Variants in CACNA1C observed in about 807,000 individuals in gnomAD.
The protein encoded by CACNA1C is voltage-dependent L-type calcium channel subunit alpha-1C.
CACNA1C carries 30 observed loss-of-function variants against 229.0 expected under a neutral mutation model. The observed-to-expected ratio is 0.13, with a 90% CI of 0.10 to 0.18. The LOEUF is 0.18. CACNA1C is among the 10% of genes least tolerant of loss of function. The probability of loss-of-function intolerance (pLI) is 1.00; values close to 1 mark genes in which losing one functional copy is unlikely to be tolerated. For synonymous variants in CACNA1C, 1,114 were observed against 1,132.5 expected, an observed-to-expected ratio of 0.98 and a Z score of 0.33; for missense variants, 1,658 against 2,845.0, an observed-to-expected ratio of 0.58 and a Z score of 9.49.
At chr12:2,207,633 C>T (rs2097788402) in intron 3 of CACNA1C, among the ~76,000 whole-genome samples, 1 of 151,976 alleles carries the variant, frequency 6.6e-6, no homozygotes, top group Non-Finnish European at 1.5e-5. Context: ...AACATAGCAA[C>T]ACCTCGTCTC....
intron 1 of CACNA1C, among the ~76,000 whole-genome samples, chr12:2,092,309 T>C (rs957537469): frequency 5.3e-5 from 8 of 152,226 alleles, no homozygotes. Context: ...ACTTGTACAG[T>C]GATTTCCTAT....
intron 3 of CACNA1C, among the ~76,000 whole-genome samples, chr12:2,254,767 T>G (rs2076782072): frequency 6.6e-6 from 1 of 152,132 alleles, no homozygotes; most frequent in South Asian, 2.1e-4. Context: ...GGACGATATA[T>G]GTTGAGAAAG....
intron 3 of CACNA1C, among the ~76,000 whole-genome samples, chr12:2,256,266 G>T (rs1365592421): frequency 5.9e-5 from 9 of 152,096 alleles, no homozygotes; most frequent in Non-Finnish European, 1.2e-4. Context: ...ATTAAATTTT[G>T]AGAACTGGTT....
intron 4 of CACNA1C, among the ~76,000 whole-genome samples, chr12:2,455,045 C>T (rs1025749628): frequency 6.6e-6 from 1 of 152,076 alleles, no homozygotes; most frequent in East Asian, 1.9e-4. Flanking sequence ...CGGGTGGCAC[C>T]CTTTCTGTGC....
intron 1 of CACNA1C, among the ~76,000 whole-genome samples, chr12:2,030,360 T>C (rs1403493796): frequency 6.6e-6 from 1 of 151,734 alleles, no homozygotes; most frequent in Non-Finnish European, 1.5e-5. Flanking sequence ...TAAAGGAACA[T>C]TGTCAAGATA....
chr12:1,987,668 TTGAC>T (rs1382668226), intron 1 of CACNA1C, among the ~76,000 whole-genome samples: 4 of 152,190 alleles, frequency 2.6e-5, no homozygotes, highest in South Asian at 2.1e-4. Context: ...TTTTCAAAAA[TTGAC>T]TGAAGAGGAT....
At chr12:2,195,814 A>G (rs1371240248) in intron 3 of CACNA1C, among the ~76,000 whole-genome samples, 1 of 152,230 alleles carries the variant, frequency 6.6e-6, no homozygotes, top group Non-Finnish European at 1.5e-5. Flanking sequence ...CCCCAAACTC[A>G]GAATTCGTAT....
chr12:2,158,505 C>T (rs552625834), intron 3 of CACNA1C, among the ~76,000 whole-genome samples: 2 of 151,350 alleles, frequency 1.3e-5, no homozygotes, highest in African/African-American at 2.4e-5. Flanking sequence ...TGAGCCTGGG[C>T]GATGGAGCAA....
rs1034710498 is a variant in CACNA1C at position 2,348,182 on chromosome 12, G to A, written c.478-100794G>A. 3.3e-5 allele frequency among the ~76,000 whole-genome samples: 5 copies of A among 152,198 alleles called. No individual in the cohort carries two copies. Among genetic ancestry groups the A allele is most frequent in the African/African-American group, 4.8e-5 (2 of 41,454 alleles). ...AGCTGCCAGTGGGATGGCCCCAGCC[G>A]GAGGAGCTGGGCAGTGCAGCGAGGC... On this transcript the variant is annotated intron_variant, in intron 3 of 46. Coordinates refer to ENST00000399655, the MANE Select transcript of CACNA1C (RefSeq NM_000719.7). This position sits in a 1 kb window ranked among gnomAD's most constrained non-coding sequence, Gnocchi z 4.7.
In CACNA1C at chr12:2,354,896, G is replaced by C. The variant is rs888860000; in HGVS notation, c.478-94080G>C. ...GCAGCTTTAGATTCCATTTTGGTGA[G>C]GAAATTTACATTACCCAGGTGTGCA... is the stretch of plus-strand genomic sequence containing the variant. On this transcript the variant is annotated intron_variant, in intron 3 of 46. Transcript: ENST00000399655. The surrounding 1 kb of genome is among the most constrained non-coding windows in gnomAD (Gnocchi z 4.6). 2.0e-5 allele frequency among the ~76,000 whole-genome samples: 3 copies of C among 152,142 alleles called. No homozygotes were observed. The highest frequency in any genetic ancestry group is 7.2e-5 in the African/African-American group (3 of 41,416).
intron 3 of CACNA1C, among the ~76,000 whole-genome samples, chr12:2,213,815 A>G (rs1439916469): frequency 6.6e-6 from 1 of 152,224 alleles, no homozygotes; most frequent in Non-Finnish European, 1.5e-5. Context: ...CTCTTCACGG[A>G]TGGGCTGCTG....
intron 9 of CACNA1C, among the ~76,000 whole-genome samples, chr12:2,523,873 C>T (rs188233805): frequency 3.3e-5 from 5 of 152,306 alleles, no homozygotes; most frequent in Non-Finnish European, 5.9e-5. Context: ...GCCTACACTA[C>T]AGTTACCCTT....
intron 3 of CACNA1C, among the ~76,000 whole-genome samples, chr12:2,394,322 G>A (rs796673364): frequency 2.0e-5 from 3 of 152,250 alleles, no homozygotes; most frequent in African/African-American, 7.2e-5. Context: ...CATGATAAAC[G>A]CAGGCTTTAT....
intron 11 of CACNA1C, among the ~76,000 whole-genome samples, chr12:2,565,992 AGAGAAGGCAT>A (rs1478815583): frequency 1.3e-5 from 2 of 152,336 alleles, no homozygotes; most frequent in Admixed American, 1.3e-4. Context: ...AAAGAATTGG[AGAGAAGGCAT>A]GAGAAGTGCC....
chr12:2,546,343 A>G (rs529421804), intron 9 of CACNA1C, among the ~76,000 whole-genome samples: 2 of 151,974 alleles, frequency 1.3e-5, no homozygotes, highest in East Asian at 3.9e-4. Context: ...GTGTCTTCAC[A>G]CTATTCCGTG....
At chr12:2,413,238 A>G (rs374057754) in intron 3 of CACNA1C, among the ~76,000 whole-genome samples, 1 of 152,144 alleles carries the variant, frequency 6.6e-6, no homozygotes, top group Non-Finnish European at 1.5e-5. Flanking sequence ...GCTGGTCTTG[A>G]ACTCCTGACC....
intron 9 of CACNA1C, among the ~76,000 whole-genome samples, chr12:2,544,398 C>G (rs1351203149): frequency 1.3e-5 from 2 of 152,192 alleles, no homozygotes; most frequent in African/African-American, 4.8e-5. Flanking sequence ...CATGCCTTTC[C>G]TGGAAGTGAT....
chr12:2,413,231 G>T (rs113309972), intron 3 of CACNA1C, among the ~76,000 whole-genome samples: 225 of 152,236 alleles, frequency 1.5e-3, no homozygotes, highest in African/African-American at 4.7e-3. Context: ...TGACCAGGCT[G>T]GTCTTGAACT....
intron 3 of CACNA1C, among the ~76,000 whole-genome samples, chr12:2,159,260 A>G (rs1278757190): frequency 6.6e-6 from 1 of 152,016 alleles, no homozygotes; most frequent in Non-Finnish European, 1.5e-5. Flanking sequence ...TTGGGAGGCC[A>G]AGGTTGGGAG....
Sources: gnomAD v4.1 joint callset for allele counts (sites outside exome capture counted in the v4.1 genomes callset) on GRCh38, gnomAD v4.1.1 for gene constraint, Gnocchi (gnomAD v3.1) non-coding constraint, MANE v1.5 for transcripts, NCBI Gene and HGNC (gene_info 2026-07-23, HGNC 2026-07-21) for gene names.